CACNA2D1: variants seen among roughly 807,000 people sequenced by gnomAD.
CACNA2D1 encodes voltage-dependent calcium channel subunit alpha-2/delta-1.
In CACNA2D1, 53 loss-of-function variants were observed where a neutral mutation model predicts 171.5. The observed-to-expected ratio is 0.31, with a 90% CI of 0.25 to 0.39. The LOEUF is 0.39. Among genes scored for constraint, CACNA2D1 ranks in the 10% least tolerant of loss-of-function variants. CACNA2D1 has a pLI of 1.00. For synonymous variants in CACNA2D1, 442 were observed against 443.1 expected (o/e 1.00, Z 0.03); for missense variants, 903 against 1,299.8 (o/e 0.69, Z 4.69).
chr7:82,378,007 A>G (rs1823217404), intron 1 of CACNA2D1, among the ~76,000 whole-genome samples: 1 of 152,110 alleles, frequency 6.6e-6, no homozygotes, highest in African/African-American at 2.4e-5. Flanking sequence ...TGTCTCCTTA[A>G]ATTTGTATTT....
intron 4 of CACNA2D1, among the ~76,000 whole-genome samples, chr7:82,139,451 T>C (rs1239261480): frequency 3.3e-5 from 5 of 152,228 alleles, no homozygotes; most frequent in African/African-American, 4.8e-5. Flanking sequence ...CCCAATGGTT[T>C]TGTTTCCCTT....
chr7:82,071,224 A>G (rs1283701628), intron 7 of CACNA2D1, among the ~76,000 whole-genome samples: 3 of 152,200 alleles, frequency 2.0e-5, no homozygotes, highest in African/African-American at 7.2e-5. Flanking sequence ...GATGTGCCAG[A>G]AAGTGTTTTA....
chr7:82,075,057 C>T (rs1035550915), intron 7 of CACNA2D1, among the ~76,000 whole-genome samples: 8 of 152,042 alleles, frequency 5.3e-5, no homozygotes, highest in African/African-American at 1.9e-4. Flanking sequence ...GTTCCCCTCC[C>T]TGTGTCCATG....
chr7:82,150,266 A>C (rs1488509149), intron 4 of CACNA2D1, among the ~76,000 whole-genome samples: 2 of 87,156 alleles, frequency 2.3e-5, no homozygotes, highest in Non-Finnish European at 2.2e-5. Context: ...TTAAAAAAAA[A>C]AAACAAAAAC....
At chr7:81,994,490 A>T (rs1797846391) in intron 20 of CACNA2D1, among the ~76,000 whole-genome samples, 1 of 152,098 alleles carries the variant, frequency 6.6e-6, no homozygotes, top group Non-Finnish European at 1.5e-5. Flanking sequence ...ATCATGTAAA[A>T]CATATAGCTA....
chr7:82,080,784 G>C (rs943605360), intron 7 of CACNA2D1, among the ~76,000 whole-genome samples: 2 of 152,270 alleles, frequency 1.3e-5, no homozygotes, highest in East Asian at 3.9e-4. Flanking sequence ...GTCATGTTTA[G>C]ATTCCTTCCA....
chr7:82,248,744 T>C (rs1376953291), intron 3 of CACNA2D1, among the ~76,000 whole-genome samples: 2 of 151,684 alleles, frequency 1.3e-5, no homozygotes, highest in African/African-American at 2.4e-5. Flanking sequence ...TGGGGAAGAA[T>C]AGATGGTTCT....
intron 12 of CACNA2D1, among the ~76,000 whole-genome samples, chr7:82,018,388 G>A (rs37140): frequency 0.52 from 79,526 of 151,922 alleles, 22,979 homozygotes; most frequent in African/African-American, 0.79. Flanking sequence ...CAACATATCA[G>A]TAAGTTCATT....
chr7:82,318,154 A>G (rs1815342573), intron 3 of CACNA2D1, among the ~76,000 whole-genome samples: 2 of 152,204 alleles, frequency 1.3e-5, no homozygotes, highest in Admixed American at 6.5e-5. Flanking sequence ...ATGCTTTAGA[A>G]GCTAGCAAAA....
intron 21 of CACNA2D1, among the ~76,000 whole-genome samples, chr7:81,989,816 G>A (rs1000711776): frequency 6.6e-6 from 1 of 152,180 alleles, no homozygotes; most frequent in African/African-American, 2.4e-5. Flanking sequence ...GACAGTGAAA[G>A]ACCCAAGGAA....
At chr7:82,144,582 A>C (rs1792767127) in intron 4 of CACNA2D1, among the ~76,000 whole-genome samples, 2 of 151,524 alleles carry the variant, frequency 1.3e-5, no homozygotes, top group Non-Finnish European at 2.9e-5. Context: ...CAGAAGGTTA[A>C]AAAAAACATC....
At chr7:82,060,211 A>AATATATATATATT (rs1554381984) in intron 10 of CACNA2D1, among the ~76,000 whole-genome samples, 8 of 31,366 alleles carry the variant, frequency 2.6e-4, no homozygotes, top group South Asian at 3.0e-3. Context: ...TTATATATAT[A>AATATATATATATT]ATATATATAT....
At chr7:82,101,537 A>G (rs180778358) in intron 6 of CACNA2D1, among the ~76,000 whole-genome samples, 2 of 152,206 alleles carry the variant, frequency 1.3e-5, no homozygotes, top group African/African-American at 2.4e-5. Flanking sequence ...TTGAAAATCA[A>G]CAAGGCACAT....
At chr7:82,149,980 GTGTGTGTGTGTGCA>G (rs1490612317) in intron 4 of CACNA2D1, among the ~76,000 whole-genome samples, 4 of 150,858 alleles carry the variant, frequency 2.7e-5, no homozygotes, top group Non-Finnish European at 5.9e-5. Flanking sequence ...GTACATGTGC[GTGTGTGTGTGTGCA>G]TGTGTGTGTG....
At chr7:82,256,976 G>A (rs753398209) in intron 3 of CACNA2D1, among the ~76,000 whole-genome samples, 9 of 152,144 alleles carry the variant, frequency 5.9e-5, no homozygotes, top group Admixed American at 3.3e-4. Flanking sequence ...TATGTGCTGA[G>A]ATTTCATTAG....
chr7:81,994,389 A>C (rs904148802), intron 20 of CACNA2D1, among the ~76,000 whole-genome samples: 15 of 152,094 alleles, frequency 9.9e-5, no homozygotes, highest in African/African-American at 2.9e-4. Context: ...AACTAGTAAA[A>C]GAAGATAAAT....
intron 2 of CACNA2D1, among the ~76,000 whole-genome samples, chr7:82,339,534 T>C (rs1283808967): frequency 6.6e-6 from 1 of 152,196 alleles, no homozygotes; most frequent in Non-Finnish European, 1.5e-5. Flanking sequence ...TAACCAATTG[T>C]ATCAGGACTT....
At chr7:82,314,027 A>C (rs932463184) in intron 3 of CACNA2D1, among the ~76,000 whole-genome samples, 1 of 152,138 alleles carries the variant, frequency 6.6e-6, no homozygotes, top group African/African-American at 2.4e-5. Flanking sequence ...ACATATATCC[A>C]GTGCTTCTCT....
chr7:82,043,804 C>T lies in CACNA2D1; in HGVS notation c.880-5569G>A, dbSNP rs147465659. ...GAAATATTCCTGTTGCCTTAATACACGCTACAAGTCAAAGAAGCAGAAAGT... is the reference window on the plus strand; with the variant it reads ...GAAATATTCCTGTTGCCTTAATACATGCTACAAGTCAAAGAAGCAGAAAGT... On this transcript the variant is annotated intron_variant, in intron 10 of 38. Transcript: ENST00000356860. Among the ~76,000 whole-genome samples, 1,093 of 152,224 alleles carry T rather than the reference C, an allele frequency of 7.2e-3. 16 individuals carry two copies. The highest frequency in any genetic ancestry group is 0.024 in the African/African-American group (994 of 41,512).
Sources: allele counts gnomAD v4.1 joint callset (sites outside exome capture counted in the v4.1 genomes callset), GRCh38; gene constraint gnomAD v4.1.1; transcripts MANE v1.5; gene names NCBI Gene and HGNC (gene_info 2026-07-23, HGNC 2026-07-21).